MGAM: variants seen among roughly 807,000 people sequenced by gnomAD.
MGAM encodes maltase-glucoamylase, also known as alpha-1,4-glucosidase.
Under a neutral mutation model 358.8 loss-of-function variants are expected in MGAM, and 253 were observed. That is an observed-to-expected ratio of 0.71 (90% confidence interval 0.64 to 0.78). The LOEUF is 0.78. Ranked by LOEUF, MGAM falls within the 30% of genes least tolerant of loss-of-function variation. MGAM has a pLI of 0.00. For missense variants in MGAM, 3,080 were observed against 3,432.6 expected (o/e 0.90, Z 2.57); for synonymous variants, 1,105 against 1,227.1 (o/e 0.90, Z 2.08).
At chr7:142,081,936 A>C in intron 50 of MGAM, 106 bp from the exon 51 acceptor site, 1 of 1,177,816 alleles carries the variant, frequency 8.5e-7, no homozygotes. Context: ...GGAGATGAAC[A>C]GCTTCTGGGT....
At chr7:142,088,739 G>A (rs569777429) in intron 57 of MGAM, among the ~76,000 whole-genome samples, 5 of 102,556 alleles carry the variant, frequency 4.9e-5, no homozygotes, top group African/African-American at 2.0e-4. Context: ...CTGTCTGTCT[G>A]TCTGTCTGTC....
intron 66 of MGAM, 75 bp from the exon 67 acceptor site, chr7:142,099,538 A>T: frequency 6.2e-7 from 1 of 1,606,838 alleles, no homozygotes; most frequent in Non-Finnish European, 8.5e-7. Flanking sequence ...GGAGGATGAG[A>T]TGTCTGGCAG....
chr7:141,987,459 AT>A (rs1803764757), intron 2 of MGAM, among the ~76,000 whole-genome samples: 1 of 152,092 alleles, frequency 6.6e-6, no homozygotes, highest in Non-Finnish European at 1.5e-5. Flanking sequence ...TCAAATCTAA[AT>A]TTTTGGGAGG....
rs74204034 is a variant in MGAM, at chr7:142,067,963, T to A, written c.5004+538T>A. Among the ~76,000 whole-genome samples, 37 of 34,400 alleles carry A rather than the reference T, an allele frequency of 1.1e-3. 2 individuals are homozygous for A. The highest frequency in any genetic ancestry group is 2.8e-3 in the African/African-American group (31 of 11,168). 22.6% of individuals were successfully genotyped at this position (34,400 alleles called of 152,430 possible). A position where few individuals can be genotyped will look rare whatever the true frequency, so the allele number is the denominator to read the frequency against. Reference sequence around the variant, plus strand: ...ATATATATATATATATATATATATATAAATATATATATATATATATATATT... The same window carrying A: ...ATATATATATATATATATATATATAAAAATATATATATATATATATATATT... On this transcript the variant is annotated intron_variant, in intron 42 of 70. Coordinates refer to ENST00000475668, the MANE Select transcript of MGAM (RefSeq NM_001365693.1).
chr7:142,106,072 A>G lies in MGAM; in HGVS notation c.*181A>G. The G allele has an allele frequency of 1.9e-6, 1 of 526,002 alleles. No homozygotes were observed. Among genetic ancestry groups the G allele is most frequent in the South Asian group, 2.1e-5 (1 of 48,458 alleles). The allele number at this position is 526,002 out of a possible 1,614,324, so 32.6% of individuals were successfully genotyped here. A position where few individuals can be genotyped will look rare whatever the true frequency, so the allele number is the denominator to read the frequency against. ...AGGTTAAACCTTAGCCCTGTGGGAT[A>G]GGCAGTTAGGGAGGTGTGGAAAATC... On this transcript the variant is annotated 3_prime_UTR_variant, in exon 71 of 71. Transcript: ENST00000475668.
chr7:142,009,881 T>C (rs977115117), intron 3 of MGAM, among the ~76,000 whole-genome samples: 4 of 152,176 alleles, frequency 2.6e-5, no homozygotes, highest in Non-Finnish European at 5.9e-5. Context: ...ATGATGTGTT[T>C]GTATGGTGTT....
chr7:142,104,690 A>G (rs1368313526), intron 70 of MGAM, among the ~76,000 whole-genome samples: 6 of 152,194 alleles, frequency 3.9e-5, no homozygotes, highest in Non-Finnish European at 8.8e-5. Context: ...ACAGACAATA[A>G]CAATTATGCC....
At chr7:142,033,117 T>C (rs1807664547) in intron 14 of MGAM, among the ~76,000 whole-genome samples, 1 of 152,170 alleles carries the variant, frequency 6.6e-6, no homozygotes, top group African/African-American at 2.4e-5. Flanking sequence ...AAAGGGGCAA[T>C]CTAGTACTTC....
At chr7:142,061,992 A>G (rs1383129246) in intron 34 of MGAM, among the ~76,000 whole-genome samples, 1 of 152,216 alleles carries the variant, frequency 6.6e-6, no homozygotes, top group African/African-American at 2.4e-5. Context: ...GGTAGAGGAA[A>G]ATAAAGGGAA....
rs111374090 is a variant in MGAM, at chr7:142,058,287, G to A, written c.3778G>A (p.Ala1260Thr). 28 of 1,613,654 alleles carry A rather than the reference G, an allele frequency of 1.7e-5. No individual in the cohort carries two copies. The highest frequency in any genetic ancestry group is 2.0e-5 in the Non-Finnish European group (24 of 1,179,836). Residue 1260 changes from alanine to threonine, a missense_variant, in exon 31 of 71, where the codon GCC becomes ACC. Physicochemically the swap from Ala to Thr is moderately conservative, Grantham distance 58. Transcript: ENST00000475668. The part of the protein sequence containing the change: ...RYGYQNDSEI[A>T]SLYDEMVAAQ... ...TGGCTACCAGAATGACTCTGAGATC[G>A]CCAGCTTGTATGATGAGATGGTGGC... is the stretch of plus-strand genomic sequence containing the variant.
intron 7 of MGAM, among the ~76,000 whole-genome samples, chr7:142,023,448 C>T (rs200387694): frequency 7.8e-4 from 113 of 145,474 alleles, no homozygotes; most frequent in South Asian, 3.1e-3. Flanking sequence ...TATATATATA[C>T]ACACACACAC....
chr7:142,041,554 T>A (rs571386689), intron 21 of MGAM, among the ~76,000 whole-genome samples: 2 of 152,102 alleles, frequency 1.3e-5, no homozygotes, highest in South Asian at 2.1e-4. Flanking sequence ...GCTCCCAGGC[T>A]TGAAGTCCAA....
At chr7:142,053,389 G>T (rs531216041) in intron 26 of MGAM, among the ~76,000 whole-genome samples, 1 of 152,050 alleles carries the variant, frequency 6.6e-6, no homozygotes, top group Non-Finnish European at 1.5e-5. Context: ...GGAACATCAA[G>T]AATGATGACC....
Position 142,084,499 on chromosome 7 carries a change from A to G in MGAM, c.6382-20A>G, listed in dbSNP as rs56728658. 0.074 allele frequency: 115,327 copies of G among 1,549,124 alleles called. 22,576 individuals are homozygous for G. Among genetic ancestry groups the G allele is most frequent in the African/African-American group, 0.46 (33,937 of 74,256 alleles). ...TGGTGTCTCTGTTCTGAGGACTAAT[A>G]TTTTCTGTCTATTTTCTAGTTGATT... On this transcript the variant is annotated intron_variant, in intron 53 of 70. Coordinates refer to ENST00000475668, the MANE Select transcript of MGAM (RefSeq NM_001365693.1).
chr7:142,054,951 G>A (rs747844869), intron 27 of MGAM, 43 bp downstream of exon 27: 46 of 1,595,114 alleles, frequency 2.9e-5, no homozygotes, highest in Non-Finnish European at 3.5e-5. Flanking sequence ...GGCTACCTGC[G>A]CCTTCGCTGC....
intron 7 of MGAM, among the ~76,000 whole-genome samples, chr7:142,024,273 C>T (rs368738183): frequency 1.8e-4 from 28 of 151,504 alleles, no homozygotes; most frequent in East Asian, 7.8e-4. Flanking sequence ...ATTAGCCAGG[C>T]GGTAGTGGCA....
At chr7:142,056,593 A>G (rs1811574445) in intron 29 of MGAM, among the ~76,000 whole-genome samples, 1 of 152,210 alleles carries the variant, frequency 6.6e-6, no homozygotes, top group Admixed American at 6.5e-5. Flanking sequence ...AAAAAATAAT[A>G]ATTTTATAAG....
intron 6 of MGAM, among the ~76,000 whole-genome samples, chr7:142,021,970 A>G (rs1210451737): frequency 6.6e-6 from 1 of 151,996 alleles, no homozygotes; most frequent in Non-Finnish European, 1.5e-5. Flanking sequence ...CGTCTATAAT[A>G]TATAACCAGC....
intron 2 of MGAM, among the ~76,000 whole-genome samples, chr7:141,988,603 G>C (rs551493219): frequency 1.3e-5 from 2 of 152,278 alleles, no homozygotes; most frequent in African/African-American, 4.8e-5. Flanking sequence ...GACCTCAGGT[G>C]ATCCACCTGC....
Sources: gnomAD v4.1 joint callset for allele counts (sites outside exome capture counted in the v4.1 genomes callset) on GRCh38, gnomAD v4.1.1 for gene constraint, MANE v1.5 for transcripts, NCBI Gene and HGNC (gene_info 2026-07-23, HGNC 2026-07-21) for gene names.